AGBL1: variants seen among roughly 807,000 people sequenced by gnomAD.
AGBL1 encodes the protein AGBL carboxypeptidase 1, also known as cytosolic carboxypeptidase 4.
AGBL1 carries 130 observed loss-of-function variants against 118.9 expected under a neutral mutation model. That is an observed-to-expected ratio of 1.09 (90% CI 0.95 to 1.26). The LOEUF is 1.26. Among genes scored for constraint, AGBL1 ranks in the 50% most tolerant of loss-of-function variants. The pLI, the probability that AGBL1 is intolerant of heterozygous loss-of-function variation, is 0.00. For missense variants in AGBL1, 1,584 were observed against 1,298.1 expected, an observed-to-expected ratio of 1.22 and a Z score of -3.38; for synonymous variants, 555 against 478.9, an observed-to-expected ratio of 1.16 and a Z score of -2.08.
chr15:86,933,575 C>A (rs2080631502), intron 23 of AGBL1, among the ~76,000 whole-genome samples: 1 of 152,120 alleles, frequency 6.6e-6, no homozygotes, highest in Admixed American at 6.5e-5. Context: ...AGTTAAACTC[C>A]TTTCTTGACT....
intron 18 of AGBL1, among the ~76,000 whole-genome samples, chr15:86,471,557 C>A (rs1395668914): frequency 6.6e-6 from 1 of 150,852 alleles, no homozygotes; most frequent in Admixed American, 6.6e-5. Context: ...CAACACTGGC[C>A]TCGTAAAATG....
At chr15:86,530,477 C>T (rs1307958211) in intron 19 of AGBL1, among the ~76,000 whole-genome samples, 2 of 133,806 alleles carry the variant, frequency 1.5e-5, no homozygotes, top group Admixed American at 7.1e-5. Flanking sequence ...GAGTGACCTA[C>T]AAAGAGACTT....
At chr15:86,635,668 C>T (rs1367653014) in intron 21 of AGBL1, among the ~76,000 whole-genome samples, 3 of 151,944 alleles carry the variant, frequency 2.0e-5, no homozygotes, top group Non-Finnish European at 2.9e-5. Flanking sequence ...CATCTAATAA[C>T]ATTCGGGAGT....
At chr15:86,602,588 G>C (rs970856263) in intron 21 of AGBL1, among the ~76,000 whole-genome samples, 2 of 152,034 alleles carry the variant, frequency 1.3e-5, no homozygotes, top group African/African-American at 4.8e-5. Flanking sequence ...ATTTGTAGTG[G>C]GTTGAAAAAT....
At chr15:86,573,909 C>T (rs1010228065) in intron 21 of AGBL1, among the ~76,000 whole-genome samples, 2 of 152,140 alleles carry the variant, frequency 1.3e-5, no homozygotes, top group Non-Finnish European at 2.9e-5. Flanking sequence ...CCCAAGTATT[C>T]CTGAAAACAA....
At chr15:86,192,773 C>T (rs2141833039) in intron 5 of AGBL1, among the ~76,000 whole-genome samples, 1 of 152,026 alleles carries the variant, frequency 6.6e-6, no homozygotes, top group East Asian at 1.9e-4. Context: ...AATCAGATGT[C>T]AGGAAAAAAT....
chr15:86,916,464 C>A (rs2080425185), downstream of AGBL1, among the ~76,000 whole-genome samples: 1 of 151,922 alleles, frequency 6.6e-6, no homozygotes. Context: ...CATCCAGAGT[C>A]CAGAAAAAAT....
chr15:86,930,861 G>A (rs2080595715), intron 23 of AGBL1, among the ~76,000 whole-genome samples: 1 of 152,170 alleles, frequency 6.6e-6, no homozygotes, highest in South Asian at 2.1e-4. Context: ...AAAGGTAATA[G>A]TGGCTTAAAA....
At chr15:86,847,252 C>T (rs2079332929) in intron 22 of AGBL1, among the ~76,000 whole-genome samples, 1 of 152,160 alleles carries the variant, frequency 6.6e-6, no homozygotes, top group Non-Finnish European at 1.5e-5. Flanking sequence ...TCTATAGGCC[C>T]ACTCAAAGAC....
Position 86,835,020 on chromosome 15 carries a change from A to T in AGBL1, c.3159-72067A>T, listed in dbSNP as rs1456863660. ...GTTCACTTGCTACCATGCAGTGAAC[A>T]GTTTAGTAAGGTACCTACATATGGA... On this transcript the variant is annotated intron_variant, in intron 22 of 22. Coordinates refer to ENST00000614907, the MANE Select transcript of AGBL1 (RefSeq NM_001386094.1). 4.6e-5 allele frequency among the ~76,000 whole-genome samples: 7 copies of T among 152,288 alleles called. No homozygotes were observed. In the East Asian group the frequency reaches 1.4e-3, roughly 29 times the overall value.
At chr15:86,536,986 G>A (rs73457699) in intron 19 of AGBL1, among the ~76,000 whole-genome samples, 1,766 of 152,312 alleles carry the variant, frequency 0.012, 26 homozygotes, top group African/African-American at 0.039. Flanking sequence ...GTGGCCAAGG[G>A]CATTGGGCGT....
intron 21 of AGBL1, among the ~76,000 whole-genome samples, chr15:86,642,579 C>A (rs947664340): frequency 5.7e-5 from 8 of 140,850 alleles, no homozygotes; most frequent in African/African-American, 2.0e-4. Context: ...CTTTTGTCTT[C>A]TGAAATTATA....
intron 22 of AGBL1, among the ~76,000 whole-genome samples, chr15:86,889,908 C>T (rs188769174): frequency 5.9e-5 from 9 of 152,250 alleles, no homozygotes; most frequent in South Asian, 4.1e-4. Flanking sequence ...TGGGTATATA[C>T]CCTGTAATGG....
At chr15:86,854,216 A>G (rs2079446967) in intron 22 of AGBL1, among the ~76,000 whole-genome samples, 1 of 152,258 alleles carries the variant, frequency 6.6e-6, no homozygotes, top group Non-Finnish European at 1.5e-5. Context: ...ATGGGGGTGT[A>G]CATCCCTTTG....
chr15:86,418,979 G>A (rs186002877), intron 18 of AGBL1, among the ~76,000 whole-genome samples: 1 of 152,046 alleles, frequency 6.6e-6, no homozygotes, highest in Admixed American at 6.6e-5. Context: ...TTGACTTAAT[G>A]CTCTGTAGTA....
intron 23 of AGBL1, among the ~76,000 whole-genome samples, chr15:86,969,465 G>A (rs558613655): frequency 2.6e-5 from 4 of 151,776 alleles, no homozygotes; most frequent in Admixed American, 6.6e-5. Flanking sequence ...TCCCAGACCA[G>A]AGTCAGTGAG....
rs369807683 is a variant in AGBL1, at chr15:86,256,926, C to G, written c.809C>G (p.Thr270Arg). The G allele has an allele frequency of 6.2e-7, 1 of 1,613,916 alleles. No individual in the cohort carries two copies. Among genetic ancestry groups the G allele is most frequent in the Non-Finnish European group, 8.5e-7 (1 of 1,179,878 alleles). ...VLQILRQCYP[T>R]SPLPLVTASS... ...CAGATCCTGAGGCAGTGCTACCCTA[C>G]GAGTCCACTTCCCTTGGTCACAGCC... Residue 270 changes from threonine (T) to arginine (R), a missense_variant, in exon 8 of 23, where the codon ACG becomes AGG. Transcript: ENST00000614907.
chr15:86,535,439 A>C (rs574369036), intron 19 of AGBL1, among the ~76,000 whole-genome samples: 1 of 152,318 alleles, frequency 6.6e-6, no homozygotes, highest in Non-Finnish European at 1.5e-5. Context: ...GCCTCTTCTG[A>C]GCTGCCATAT....
chr15:86,335,005 G>T (rs887567791), intron 17 of AGBL1, among the ~76,000 whole-genome samples: 4 of 152,158 alleles, frequency 2.6e-5, no homozygotes, highest in East Asian at 3.8e-4. Flanking sequence ...GACAAATTAG[G>T]CAGCAGTTTA....
Sources: gnomAD v4.1 joint callset for allele counts (sites outside exome capture counted in the v4.1 genomes callset) on GRCh38, gnomAD v4.1.1 for gene constraint, MANE v1.5 for transcripts, NCBI Gene and HGNC (gene_info 2026-07-23, HGNC 2026-07-21) for gene names.